SYN2: variants seen among roughly 807,000 people sequenced by gnomAD.
The protein encoded by SYN2 is synapsin-2.
SYN2 carries 19 observed loss-of-function variants against 50.9 expected under a neutral mutation model. That is an observed-to-expected ratio of 0.37 (90% CI 0.26 to 0.55). The LOEUF is 0.55. SYN2 is among the 20% of genes least tolerant of loss of function. The pLI, the probability that SYN2 is intolerant of heterozygous loss-of-function variation, is 0.81. For missense variants in SYN2, 587 were observed against 576.4 expected (o/e 1.02, Z -0.19); for synonymous variants, 255 against 224.9 (o/e 1.13, Z -1.20).
At chr3:12,099,369 A>G (rs1222366645) in intron 1 of SYN2, among the ~76,000 whole-genome samples, 3 of 152,198 alleles carry the variant, frequency 2.0e-5, no homozygotes, top group Admixed American at 6.5e-5. Flanking sequence ...ATGTTCTCCA[A>G]CTGCAATAGG....
intron 1 of SYN2, among the ~76,000 whole-genome samples, chr3:12,114,870 C>T (rs1029840315): frequency 2.6e-5 from 4 of 152,136 alleles, no homozygotes; most frequent in African/African-American, 9.7e-5. Flanking sequence ...GTGCACTCAC[C>T]AGGCTCCAAG....
intron 1 of SYN2, among the ~76,000 whole-genome samples, chr3:12,074,838 T>G (rs308970): frequency 1 from 152,188 of 152,188 alleles, 76,094 homozygotes; most frequent in Non-Finnish European, 1. Context: ...GGGAAAATTT[T>G]GTTCCTGATG....
intron 1 of SYN2, among the ~76,000 whole-genome samples, chr3:12,110,018 T>G (rs1412338857): frequency 1.3e-5 from 2 of 152,050 alleles, no homozygotes; most frequent in Non-Finnish European, 2.9e-5. Flanking sequence ...CAAGACCCCA[T>G]CTCTACAAAA....
At chr3:12,107,176 A>G (rs1696211184) in intron 1 of SYN2, among the ~76,000 whole-genome samples, 1 of 152,206 alleles carries the variant, frequency 6.6e-6, no homozygotes, top group African/African-American at 2.4e-5. Flanking sequence ...TATCCAGCAG[A>G]AGTATTCCAG....
chr3:12,127,638 A>G (rs978617900), intron 1 of SYN2, among the ~76,000 whole-genome samples: 1 of 152,162 alleles, frequency 6.6e-6, no homozygotes, highest in Non-Finnish European at 1.5e-5. Context: ...AAATTGTAGA[A>G]TGGAATGTGC....
intron 1 of SYN2, among the ~76,000 whole-genome samples, chr3:12,124,903 A>G (rs1221236272): frequency 1.3e-5 from 2 of 152,244 alleles, no homozygotes; most frequent in Non-Finnish European, 2.9e-5. Context: ...GTATATTAAT[A>G]TAGAAAAATA....
chr3:12,158,802 C>G lies in SYN2; in HGVS notation c.775-2744C>G, dbSNP rs755033753. ...GCAGCAACGCCAGCAGCCGCAGCAA[C>G]AGCACCCAGCTTGGCGCGGGCCGAG... On this transcript the variant is annotated intron_variant, in intron 5 of 12. Coordinates refer to ENST00000621198, the MANE Select transcript of SYN2 (RefSeq NM_133625.6). 13 of 1,601,724 alleles carry G rather than the reference C, an allele frequency of 8.1e-6. No homozygotes were observed. The Admixed American group carries it at 2.2e-4, about 27-fold the overall frequency.
chr3:12,008,440 G>C (rs754531725), intron 1 of SYN2, among the ~76,000 whole-genome samples: 2 of 152,270 alleles, frequency 1.3e-5, no homozygotes, highest in Admixed American at 6.5e-5. Flanking sequence ...TTACTAAAAA[G>C]TAGGGCCTTT....
Position 12,131,475 on chromosome 3 carries a change from C to T in SYN2, c.378-9176C>T, listed in dbSNP as rs545440218. Among the ~76,000 whole-genome samples, 9 of 152,282 alleles carry T rather than the reference C, an allele frequency of 5.9e-5. No homozygotes were observed. The South Asian group carries it at 6.2e-4, about 11-fold the overall frequency. On this transcript the variant is annotated intron_variant, in intron 1 of 12. Transcript: ENST00000621198. ...ATATTTGCCTGCTCTTCAAAGCAAA[C>T]TTGATAACTGACCCACTTTGCTCCA...
intron 12 of SYN2, among the ~76,000 whole-genome samples, chr3:12,189,658 C>T (rs1559461830): frequency 6.6e-6 from 1 of 152,126 alleles, no homozygotes; most frequent in Non-Finnish European, 1.5e-5. Flanking sequence ...CAAAAATTAG[C>T]TGGGCATGGT....
chr3:12,061,815 C>G (rs1415684581), intron 1 of SYN2, among the ~76,000 whole-genome samples: 1 of 151,928 alleles, frequency 6.6e-6, no homozygotes, highest in Non-Finnish European at 1.5e-5. Context: ...AGGCATAAAT[C>G]TAACAAAATA....
chr3:12,178,001 G>T (rs1012337453), intron 10 of SYN2, among the ~76,000 whole-genome samples: 1 of 152,226 alleles, frequency 6.6e-6, no homozygotes, highest in Admixed American at 6.5e-5. Flanking sequence ...GAAGGAAGGT[G>T]GGCGCTGGTG....
intron 5 of SYN2, chr3:12,154,268 A>G (rs1019530890): frequency 1.1e-5 from 18 of 1,609,400 alleles, no homozygotes; most frequent in Admixed American, 3.3e-5. Flanking sequence ...TCATGCATGA[A>G]TGAAGGCTCA....
At chr3:12,019,818 G>C (rs1694093692) in intron 1 of SYN2, among the ~76,000 whole-genome samples, 1 of 152,178 alleles carries the variant, frequency 6.6e-6, no homozygotes, top group Non-Finnish European at 1.5e-5. Flanking sequence ...CCAAGGCTCA[G>C]AGAGCTTGCG....
At chr3:12,148,367 C>T (rs1192341210) in intron 4 of SYN2, among the ~76,000 whole-genome samples, 2 of 152,178 alleles carry the variant, frequency 1.3e-5, no homozygotes, top group African/African-American at 4.8e-5. Context: ...ACATGAATGA[C>T]GTTTTACATA....
chr3:12,132,050 T>C (rs925342765), intron 1 of SYN2, among the ~76,000 whole-genome samples: 2 of 151,046 alleles, frequency 1.3e-5, no homozygotes, highest in African/African-American at 4.9e-5. Flanking sequence ...TTTTCTTTTT[T>C]TTTTTGAGAC....
rs746938356 is a variant in SYN2, at chr3:12,168,425, A to G, written c.1105A>G (p.Ile369Val). ...CTCTGAGATGTTTGGCGGCCTGGAC[A>G]TCTGTGCTGTCAAAGCTGTACATGG... ...TCSEMFGGLD[I>V]CAVKAVHGKD... The change falls in exon 9 of 13, where the codon ATC becomes GTC. Residue 369 changes from isoleucine (I) to valine (V), a missense_variant. Physicochemically the swap from Ile to Val is conservative, Grantham distance 29. Coordinates refer to ENST00000621198, the MANE Select transcript of SYN2 (RefSeq NM_133625.6). The G allele has an allele frequency of 6.2e-7, 1 of 1,614,040 alleles. No individual in the cohort carries two copies. Among genetic ancestry groups the G allele is most frequent in the Non-Finnish European group, 8.5e-7 (1 of 1,179,956 alleles).
At chr3:12,092,294 A>G (rs920611602) in intron 1 of SYN2, among the ~76,000 whole-genome samples, 1 of 152,208 alleles carries the variant, frequency 6.6e-6, no homozygotes, top group African/African-American at 2.4e-5. Context: ...GATAATTAGG[A>G]TTTAGATTTA....
chr3:12,027,061 G>A (rs2125139110), intron 1 of SYN2, among the ~76,000 whole-genome samples: 1 of 152,310 alleles, frequency 6.6e-6, no homozygotes, highest in South Asian at 2.1e-4. Flanking sequence ...CTGATAGGCA[G>A]CAAGTCTCAG....
Sources: allele counts gnomAD v4.1 joint callset (sites outside exome capture counted in the v4.1 genomes callset), GRCh38; gene constraint gnomAD v4.1.1; transcripts MANE v1.5; gene names NCBI Gene and HGNC (gene_info 2026-07-23, HGNC 2026-07-21).